Variants in CD44 observed in about 807,000 individuals in gnomAD.
CD44 encodes CD44 antigen.
In CD44, 49 loss-of-function variants were observed where a neutral mutation model predicts 88.8. That is an observed-to-expected ratio of 0.55 (90% CI 0.44 to 0.70). The LOEUF (loss-of-function observed/expected upper bound fraction) is 0.70. Ranked by LOEUF, CD44 falls within the 30% of genes least tolerant of loss-of-function variation. The pLI is 0.00. For synonymous variants in CD44, 325 were observed against 312.3 expected, an observed-to-expected ratio of 1.04 and a Z score of -0.43; for missense variants, 883 against 913.8, an observed-to-expected ratio of 0.97 and a Z score of 0.43.
intron 1 of CD44, among the ~76,000 whole-genome samples, chr11:35,154,608 T>C (rs1211031873): frequency 6.6e-6 from 1 of 152,186 alleles, no homozygotes; most frequent in East Asian, 1.9e-4. Context: ...TAAAGTTTAT[T>C]CTCTCAATGA....
intron 4 of CD44, among the ~76,000 whole-genome samples, chr11:35,187,389 TACACTCATGCATCGTTCCTCAA>T (rs1229504344): frequency 6.6e-6 from 1 of 152,236 alleles, no homozygotes; most frequent in African/African-American, 2.4e-5. Context: ...CTCTCTGGTT[TACACTCATGCATCGTTCCTCAA>T]ACTTCAGTCA....
chr11:35,182,919 G>T (rs539349388), intron 3 of CD44, among the ~76,000 whole-genome samples: 7 of 152,332 alleles, frequency 4.6e-5, no homozygotes, highest in Admixed American at 1.3e-4. Flanking sequence ...AGCTCACACT[G>T]TTTTATTGCC....
intron 15 of CD44, among the ~76,000 whole-genome samples, chr11:35,216,612 TTG>T (rs906090639): frequency 4.7e-4 from 71 of 152,188 alleles, no homozygotes; most frequent in Non-Finnish European, 1.0e-4. Context: ...CTCAGTTTCC[TTG>T]TTAGTAAAAA....
intron 1 of CD44, among the ~76,000 whole-genome samples, chr11:35,164,911 A>G (rs1943093313): frequency 6.6e-6 from 1 of 152,006 alleles, no homozygotes. Flanking sequence ...GGGATGATTT[A>G]CCCTCCTAGG....
intron 1 of CD44, among the ~76,000 whole-genome samples, chr11:35,157,286 C>A (rs1209398944): frequency 6.6e-6 from 1 of 151,752 alleles, no homozygotes; most frequent in Non-Finnish European, 1.5e-5. Flanking sequence ...TCTTAAAAAA[C>A]CTTGTCTATC....
At chr11:35,175,948 C>G (rs375214384) in intron 1 of CD44, among the ~76,000 whole-genome samples, 4 of 150,552 alleles carry the variant, frequency 2.7e-5, no homozygotes, top group African/African-American at 9.8e-5. Flanking sequence ...TCACTGTAAC[C>G]TCTGCCTCCT....
At chr11:35,148,443 A>G (rs1227632558) in intron 1 of CD44, among the ~76,000 whole-genome samples, 2 of 152,184 alleles carry the variant, frequency 1.3e-5, no homozygotes, top group African/African-American at 4.8e-5. Flanking sequence ...CCTGTCAAGG[A>G]GTTTGTTTTT....
chr11:35,209,217 A>G (rs551355782), intron 12 of CD44, among the ~76,000 whole-genome samples: 1 of 152,332 alleles, frequency 6.6e-6, no homozygotes, highest in East Asian at 1.9e-4. Context: ...TCTTAAAAGA[A>G]CACAAAAGAA....
At chr11:35,161,830 TG>T (rs528907150) in intron 1 of CD44, among the ~76,000 whole-genome samples, 14 of 152,002 alleles carry the variant, frequency 9.2e-5, no homozygotes, top group Non-Finnish European at 2.1e-4. Flanking sequence ...ATCTGTGTGC[TG>T]GGGGGGAAGA....
intron 1 of CD44, among the ~76,000 whole-genome samples, chr11:35,169,491 G>C (rs1943648039): frequency 6.6e-6 from 1 of 151,764 alleles, no homozygotes; most frequent in South Asian, 2.1e-4. Context: ...TGGATGTATT[G>C]ACCAGCTCCT....
intron 11 of CD44, 83 bp from the exon 12 acceptor site, chr11:35,208,022 A>T (rs984170533): frequency 1.4e-4 from 113 of 794,200 alleles, no homozygotes; most frequent in Middle Eastern, 1.2e-3. Flanking sequence ...GTGAATATTT[A>T]AAAAAATCAG....
At chr11:35,187,005 G>C in intron 4 of CD44, 105 bp downstream of exon 4, 3 of 733,910 alleles carry the variant, frequency 4.1e-6, no homozygotes. Context: ...AGGTGTGGTG[G>C]CTCACTCCTG....
chr11:35,223,565 T>A (rs1207571548), intron 17 of CD44, among the ~76,000 whole-genome samples: 1 of 152,114 alleles, frequency 6.6e-6, no homozygotes, highest in Non-Finnish European at 1.5e-5. Context: ...GGGGCCTCAT[T>A]GCTGCCCTCT....
chr11:35,194,021 A>G (rs936579908), intron 5 of CD44, among the ~76,000 whole-genome samples: 2 of 152,228 alleles, frequency 1.3e-5, no homozygotes, highest in Non-Finnish European at 2.9e-5. Context: ...AATACACACT[A>G]GCAACCCAAA....
In CD44 at chr11:35,211,460, A is replaced by G; in HGVS notation, c.1810+11A>G. ...ATCGTTCCTTATCAGGTAATTTGGC[A>G]TTTATTATCTAGTTTGCTTTCTCTA... On this transcript the variant is annotated intron_variant, in intron 14 of 17. Transcript: ENST00000428726. 6.2e-7 allele frequency: 1 copy of G among 1,602,276 alleles called. No individual in the cohort carries two copies. Among genetic ancestry groups the G allele is most frequent in the Non-Finnish European group, 8.6e-7 (1 of 1,169,448 alleles).
chr11:35,165,638 G>C (rs1943174079), intron 1 of CD44, among the ~76,000 whole-genome samples: 1 of 152,112 alleles, frequency 6.6e-6, no homozygotes, highest in South Asian at 2.1e-4. Flanking sequence ...TACTGTCCCA[G>C]GTATGCACAT....
chr11:35,192,362 C>T (rs1407934885), intron 5 of CD44, among the ~76,000 whole-genome samples: 2 of 152,178 alleles, frequency 1.3e-5, no homozygotes, highest in Non-Finnish European at 2.9e-5. Flanking sequence ...GAAAAGTCAG[C>T]ACTGTTAGGT....
intron 1 of CD44, among the ~76,000 whole-genome samples, chr11:35,147,325 G>A (rs1156243350): frequency 6.6e-6 from 1 of 152,186 alleles, no homozygotes; most frequent in Admixed American, 6.5e-5. Context: ...TCAGGAGTAG[G>A]GCTGTACATA....
At chr11:35,166,590 A>T (rs1349325951) in intron 1 of CD44, among the ~76,000 whole-genome samples, 1 of 152,220 alleles carries the variant, frequency 6.6e-6, no homozygotes, top group African/African-American at 2.4e-5. Flanking sequence ...CCAATGTGAC[A>T]GGCCCCTCCA....
Sources: allele counts gnomAD v4.1 joint callset (sites outside exome capture counted in the v4.1 genomes callset), GRCh38; gene constraint gnomAD v4.1.1; transcripts MANE v1.5; gene names NCBI Gene and HGNC (gene_info 2026-07-23, HGNC 2026-07-21).